DENND1A: variants seen among roughly 807,000 people sequenced by gnomAD.
DENND1A encodes DENN domain-containing protein 1A.
A neutral mutation model predicts 113.7 loss-of-function variants in DENND1A; 51 were observed. The observed-to-expected ratio is 0.45, with a 90% CI of 0.36 to 0.57. The LOEUF (loss-of-function observed/expected upper bound fraction) is 0.57. DENND1A is among the 20% of genes least tolerant of loss of function. The pLI is 0.00. For synonymous variants in DENND1A, 565 were observed against 570.8 expected, an observed-to-expected ratio of 0.99 and a Z score of 0.14; for missense variants, 1,258 against 1,395.9, an observed-to-expected ratio of 0.90 and a Z score of 1.57.
intron 8 of DENND1A, among the ~76,000 whole-genome samples, chr9:123,659,258 T>C (rs2063114049): frequency 6.6e-6 from 1 of 152,184 alleles, no homozygotes; most frequent in Non-Finnish European, 1.5e-5. Flanking sequence ...TTATGTTCCT[T>C]AGAGGAGATA....
At chr9:123,462,006 G>C (rs917792139) in intron 13 of DENND1A, 1 of 152,248 alleles carries the variant, frequency 6.6e-6, no homozygotes, top group African/African-American at 2.4e-5. Flanking sequence ...AACATGATAA[G>C]TGGACACTTC....
At chr9:123,387,943 T>C in intron 21 of DENND1A, 85 bp from the exon 22 acceptor site, 1 of 1,236,624 alleles carries the variant, frequency 8.1e-7, no homozygotes, top group Non-Finnish European at 1.1e-6. Flanking sequence ...AGCAGGCCTC[T>C]GGGCTCCACG....
chr9:123,720,311 C>T (rs1427813253), intron 5 of DENND1A, among the ~76,000 whole-genome samples: 1 of 152,120 alleles, frequency 6.6e-6, no homozygotes, highest in Middle Eastern at 3.2e-3. Context: ...GCTGCCTCAG[C>T]CAGGGCTCCG....
intron 10 of DENND1A, among the ~76,000 whole-genome samples, chr9:123,610,393 G>A (rs1052111290): frequency 5.3e-5 from 8 of 152,184 alleles, no homozygotes; most frequent in African/African-American, 1.9e-4. Flanking sequence ...GGCCTAAAGA[G>A]GTTAGTTAAA....
intron 2 of DENND1A, 113 bp from the exon 3 acceptor site, chr9:123,792,743 G>T: frequency 2.5e-6 from 3 of 1,190,648 alleles, no homozygotes; most frequent in Admixed American, 2.0e-5. Flanking sequence ...GGATCCAAGG[G>T]GGGCAGCTGA....
intron 3 of DENND1A, among the ~76,000 whole-genome samples, chr9:123,771,491 C>A (rs1829721811): frequency 6.6e-6 from 1 of 152,122 alleles, no homozygotes; most frequent in African/African-American, 2.4e-5. Flanking sequence ...TCACTCATTG[C>A]CAATATCAGC....
At chr9:123,431,274 C>A (rs1174194765) in intron 19 of DENND1A, among the ~76,000 whole-genome samples, 3 of 152,162 alleles carry the variant, frequency 2.0e-5, no homozygotes, top group Non-Finnish European at 4.4e-5. Context: ...TCACACACAC[C>A]AGAAAATCAT....
intron 1 of DENND1A, among the ~76,000 whole-genome samples, chr9:123,883,035 C>T (rs764135507): frequency 5.9e-5 from 9 of 152,176 alleles, no homozygotes; most frequent in Non-Finnish European, 1.3e-4. Flanking sequence ...CTTCTTTCTG[C>T]TCCTCAAACA....
At chr9:123,864,015 A>G (rs1466883437) in intron 2 of DENND1A, among the ~76,000 whole-genome samples, 1 of 151,698 alleles carries the variant, frequency 6.6e-6, no homozygotes, top group Non-Finnish European at 1.5e-5. Context: ...ACAGAAAATC[A>G]TTATCGAGAG....
At chr9:123,684,072 T>A (rs2064648763) in intron 5 of DENND1A, among the ~76,000 whole-genome samples, 1 of 151,782 alleles carries the variant, frequency 6.6e-6, no homozygotes, top group Non-Finnish European at 1.5e-5. Flanking sequence ...ACAAACAAGA[T>A]TTCTTGCCCT....
intron 7 of DENND1A, among the ~76,000 whole-genome samples, chr9:123,671,023 A>C (rs941558908): frequency 2.6e-5 from 4 of 152,184 alleles, no homozygotes; most frequent in African/African-American, 9.7e-5. Flanking sequence ...ATTTCAGCCC[A>C]GCATCTGTGA....
chr9:123,885,062 C>T (rs150680836), intron 1 of DENND1A, among the ~76,000 whole-genome samples: 63 of 151,512 alleles, frequency 4.2e-4, no homozygotes, highest in East Asian at 2.1e-3. Flanking sequence ...CACACACAGA[C>T]GCACGCACAC....
intron 1 of DENND1A, among the ~76,000 whole-genome samples, chr9:123,903,033 T>C (rs945711759): frequency 1.3e-5 from 2 of 151,982 alleles, no homozygotes; most frequent in African/African-American, 2.4e-5. Flanking sequence ...TGTAATTCAC[T>C]ACATAAAACT....
intron 18 of DENND1A, 64 bp from the exon 19 acceptor site, chr9:123,440,555 C>A (rs916222952): frequency 1.2e-4 from 177 of 1,489,284 alleles, no homozygotes; most frequent in Non-Finnish European, 1.4e-4. Context: ...CCCTCTCACC[C>A]CACAACGAAG....
intron 11 of DENND1A, among the ~76,000 whole-genome samples, chr9:123,603,289 T>C (rs17286927): frequency 0.08 from 12,104 of 152,156 alleles, 521 homozygotes; most frequent in Non-Finnish European, 0.09. Context: ...GGAAAAAAAA[T>C]CCCATTACTT....
intron 13 of DENND1A, among the ~76,000 whole-genome samples, chr9:123,522,516 A>C (rs1324836174): frequency 6.6e-6 from 1 of 152,194 alleles, no homozygotes; most frequent in Non-Finnish European, 1.5e-5. Flanking sequence ...AGATGGAGCA[A>C]ACACTTGAAA....
chr9:123,737,221 G>T (rs946334408), intron 5 of DENND1A, among the ~76,000 whole-genome samples: 1 of 152,084 alleles, frequency 6.6e-6, no homozygotes, highest in South Asian at 2.1e-4. Flanking sequence ...AAGAGACAGG[G>T]TCTCACTCTG....
In DENND1A at chr9:123,481,939, A is replaced by T. The variant is rs530110411; in HGVS notation, c.994-24042T>A. ...GCTACCTGAGTAGCTGGGATTACAG[A>T]TGTGTGCCACCATGTCTGGCTATTT... On this transcript the variant is annotated intron_variant, in intron 13 of 23. Coordinates refer to ENST00000394215, the MANE Select transcript of DENND1A (RefSeq NM_001352964.2). Among the ~76,000 whole-genome samples the T allele has an allele frequency of 4.7e-4, 67 of 143,660 alleles. 1 individual carries two copies. Among genetic ancestry groups the T allele is most frequent in the African/African-American group, 1.4e-3 (55 of 38,398 alleles). The allele number at this position is 143,660 out of a possible 152,430, so 94.2% of individuals were successfully genotyped here. A position where few individuals can be genotyped will look rare whatever the true frequency, so the allele number is the denominator to read the frequency against.
intron 1 of DENND1A, among the ~76,000 whole-genome samples, chr9:123,905,239 C>T (rs1056394132): frequency 6.6e-6 from 1 of 151,974 alleles, no homozygotes; most frequent in Non-Finnish European, 1.5e-5. Flanking sequence ...ATGGTACCAG[C>T]CGCTGCAAAA....
Sources: gnomAD v4.1 joint callset for allele counts (sites outside exome capture counted in the v4.1 genomes callset) on GRCh38, gnomAD v4.1.1 for gene constraint, MANE v1.5 for transcripts, NCBI Gene and HGNC (gene_info 2026-07-23, HGNC 2026-07-21) for gene names.